ROBO1: variants seen among roughly 807,000 people sequenced by gnomAD.
ROBO1 encodes the protein roundabout guidance receptor 1.
ROBO1 carries 149 observed loss-of-function variants against 195.9 expected under a neutral mutation model. That is an observed-to-expected ratio of 0.76 (90% CI 0.67 to 0.87). The LOEUF is 0.87. Ranked by LOEUF, ROBO1 falls within the 40% of genes least tolerant of loss-of-function variation. The pLI, the probability that ROBO1 is intolerant of heterozygous loss-of-function variation, is 0.00. For missense variants in ROBO1, 1,933 were observed against 2,068.3 expected (o/e 0.93, Z 1.27); for synonymous variants, 816 against 733.2 (o/e 1.11, Z -1.82).
chr3:79,119,928 G>T (rs560407349), intron 3 of ROBO1, among the ~76,000 whole-genome samples: 115 of 152,126 alleles, frequency 7.6e-4, no homozygotes, highest in African/African-American at 2.5e-3. Context: ...ATGCCACCAT[G>T]CCTGGCTAAG....
chr3:78,913,349 G>A (rs1039586602), intron 4 of ROBO1, among the ~76,000 whole-genome samples: 51 of 151,958 alleles, frequency 3.4e-4, no homozygotes, highest in African/African-American at 1.1e-3. Flanking sequence ...ATTATGTATC[G>A]CAGTCAACTG....
At chr3:78,638,869 T>C (rs1705727201) in intron 22 of ROBO1, among the ~76,000 whole-genome samples, 1 of 151,702 alleles carries the variant, frequency 6.6e-6, no homozygotes, top group African/African-American at 2.4e-5. Flanking sequence ...CGAGATTCTA[T>C]CTCAAAAAAC....
rs140978725 is a variant in ROBO1 at position 79,652,315 on chromosome 3, T to C, written c.-50-62354A>G. 1.3e-3 allele frequency among the ~76,000 whole-genome samples: 191 copies of C among 148,496 alleles called. 3 individuals are homozygous for C. In the East Asian group the frequency reaches 0.028, roughly 22 times the overall value. On this transcript the variant is annotated intron_variant, in intron 1 of 30. Transcript: ENST00000464233. The stretch of plus-strand genomic sequence containing the variant: ...TTGTCTCTCTTTTCTAAAAATTCTT[T>C]CCATTCTCAGACCTCTTCCACACTT...
At chr3:79,071,079 T>G (rs1304466826) in intron 3 of ROBO1, among the ~76,000 whole-genome samples, 4 of 151,846 alleles carry the variant, frequency 2.6e-5, no homozygotes, top group Non-Finnish European at 5.9e-5. Context: ...GTAAGAATAT[T>G]TAACATCTAC....
At chr3:79,032,743 TC>T (rs1231783208) in intron 3 of ROBO1, among the ~76,000 whole-genome samples, 5 of 152,098 alleles carry the variant, frequency 3.3e-5, no homozygotes, top group Admixed American at 1.3e-4. Context: ...AAAACATAAA[TC>T]AAAAACTCAA....
At chr3:79,730,357 A>G (rs940117961) in intron 1 of ROBO1, among the ~76,000 whole-genome samples, 1 of 152,220 alleles carries the variant, frequency 6.6e-6, no homozygotes, top group African/African-American at 2.4e-5. Context: ...AATCACATAT[A>G]TCTGATTCCT....
chr3:79,202,608 A>C (rs1288658519), intron 2 of ROBO1, among the ~76,000 whole-genome samples: 1 of 129,544 alleles, frequency 7.7e-6, no homozygotes, highest in Admixed American at 7.7e-5. Flanking sequence ...CACTCATTTC[A>C]AAAAAAAAAA....
chr3:79,482,549 A>G (rs1371383851), intron 2 of ROBO1, among the ~76,000 whole-genome samples: 1 of 152,130 alleles, frequency 6.6e-6, no homozygotes, highest in African/African-American at 2.4e-5. Context: ...GACATGTGGA[A>G]CTGTGAGTCA....
At chr3:79,741,399 T>C (rs957734288) in intron 1 of ROBO1, among the ~76,000 whole-genome samples, 26 of 152,196 alleles carry the variant, frequency 1.7e-4, no homozygotes, top group African/African-American at 5.8e-4. Context: ...TGACTTTTTT[T>C]TTTAGCTTTG....
intron 3 of ROBO1, among the ~76,000 whole-genome samples, chr3:79,040,274 A>G (rs2078462392): frequency 6.6e-6 from 1 of 152,154 alleles, no homozygotes; most frequent in African/African-American, 2.4e-5. Context: ...ATGGGATAAT[A>G]GTTCAAAATG....
At chr3:78,801,079 C>T (rs2084356048) in intron 4 of ROBO1, among the ~76,000 whole-genome samples, 1 of 152,092 alleles carries the variant, frequency 6.6e-6, no homozygotes, top group Admixed American at 6.5e-5. Context: ...TATTGTGTGA[C>T]AGGATATAGA....
rs755846963 is a variant in ROBO1, at chr3:78,617,997, G to T, written c.3920C>A (p.Pro1307His). Residue 1307 changes from proline (P) to histidine (H), a missense_variant, in exon 27 of 31, where the codon CCT (proline) becomes CAT (histidine). Physicochemically the swap from Pro to His is moderately conservative, Grantham distance 77 (BLOSUM62 -2). Around this residue, in one of 3 missense-constraint regions of ROBO1, gnomAD observed 1,737 missense variants for 1,882.5 expected, o/e 0.92. Coordinates refer to ENST00000464233, the MANE Select transcript of ROBO1 (RefSeq NM_002941.4). ...SPPPPPRPIS[P>H]PHTYGYISGP... ...TGAAATGTAGCCATAGGTATGTGGA[G>T]GGGAGATCGGCCGTGGTGGTGGAGG... The T allele has an allele frequency of 6.2e-6, 10 of 1,613,674 alleles. No individual in the cohort carries two copies. The Admixed American group carries it at 1.3e-4, about 22-fold the overall frequency.
rs3773219 is a variant in ROBO1 at position 78,652,350 on chromosome 3, G to A, written c.2615-421C>T. Among the ~76,000 whole-genome samples the A allele has an allele frequency of 9.0e-3, 1,372 of 151,858 alleles. 23 individuals are homozygous for A. The highest frequency in any genetic ancestry group is 0.031 in the African/African-American group (1,275 of 41,402). Reference sequence around the variant, plus strand: ...TAAGGAATATTTAATAAGTATTCACGGACAATAAACTTTCTCAGACTTCTA... The same window carrying A: ...TAAGGAATATTTAATAAGTATTCACAGACAATAAACTTTCTCAGACTTCTA... On this transcript the variant is annotated intron_variant, in intron 18 of 30. Transcript: ENST00000464233.
chr3:79,073,578 G>A (rs2079122931), intron 3 of ROBO1, among the ~76,000 whole-genome samples: 2 of 151,812 alleles, frequency 1.3e-5, no homozygotes, highest in South Asian at 4.1e-4. Flanking sequence ...ATTATGGACA[G>A]TACTGAAAGA....
rs529077153 is a variant in ROBO1 at position 79,043,545 on chromosome 3, T to C, written c.172+81911A>G. On this transcript the variant is annotated intron_variant, in intron 3 of 30. Transcript: ENST00000464233. ...ACTAGATATATAGAATGACATCATA[T>C]AGATTTTTTTTTAAAAAAACTCCTC... 1.0e-3 allele frequency among the ~76,000 whole-genome samples: 159 copies of C among 152,150 alleles called. 4 individuals carry two copies. The highest frequency in any genetic ancestry group is 8.8e-5 in the Non-Finnish European group (6 of 67,992).
intron 1 of ROBO1, among the ~76,000 whole-genome samples, chr3:79,725,514 C>T (rs1702885856): frequency 6.6e-6 from 1 of 152,252 alleles, no homozygotes; most frequent in South Asian, 2.1e-4. Flanking sequence ...GCGTGAGCCA[C>T]CGCGCCCGGC....
intron 2 of ROBO1, among the ~76,000 whole-genome samples, chr3:79,137,970 A>G (rs2080445719): frequency 6.6e-6 from 1 of 152,058 alleles, no homozygotes; most frequent in Non-Finnish European, 1.5e-5. Context: ...GTCCTTTTAC[A>G]GACAGAATAA....
Position 79,139,140 on chromosome 3 carries a change from A to G in ROBO1, c.89-13601T>C, listed in dbSNP as rs371756817. On this transcript the variant is annotated intron_variant, in intron 2 of 30. Coordinates refer to ENST00000464233, the MANE Select transcript of ROBO1 (RefSeq NM_002941.4). ...ATTTAAGCAAGAACATCAATAACATATATATATATTTTATGCTATTATATA... is the reference window on the plus strand; with the variant it reads ...ATTTAAGCAAGAACATCAATAACATGTATATATATTTTATGCTATTATATA... Among the ~76,000 whole-genome samples, 27 of 151,448 alleles carry G rather than the reference A, an allele frequency of 1.8e-4. No homozygotes were observed. The East Asian group carries it at 4.1e-3, about 23-fold the overall frequency.
intron 4 of ROBO1, among the ~76,000 whole-genome samples, chr3:78,877,734 T>C (rs965010850): frequency 6.6e-6 from 1 of 152,196 alleles, no homozygotes; most frequent in African/African-American, 2.4e-5. Context: ...CCTTCCTGCT[T>C]TTCATTCATA....
Sources: gnomAD v4.1 joint callset for allele counts (sites outside exome capture counted in the v4.1 genomes callset) on GRCh38, gnomAD v4.1.1 for gene constraint, gnomAD v4.1.1 regional missense constraint, MANE v1.5 for transcripts, NCBI Gene and HGNC (gene_info 2026-07-23, HGNC 2026-07-21) for gene names.